Variants in UTRN observed in about 807,000 individuals in gnomAD.
UTRN encodes utrophin.
A neutral mutation model predicts 463.9 loss-of-function variants in UTRN; 283 were observed. The observed-to-expected ratio is 0.61, with a 90% CI of 0.55 to 0.67. UTRN has a LOEUF of 0.67. UTRN is among the 30% of genes least tolerant of loss of function. The pLI, the probability that UTRN is intolerant of heterozygous loss-of-function variation, is 0.00. For missense variants in UTRN, 3,922 were observed against 4,084.3 expected, an observed-to-expected ratio of 0.96 and a Z score of 1.08; for synonymous variants, 1,442 against 1,431.5, an observed-to-expected ratio of 1.01 and a Z score of -0.17.
In UTRN at chr6:144,846,784, T is replaced by G. The variant is rs2128765753; in HGVS notation, c.10271-21T>G. On this transcript the variant is annotated intron_variant, in intron 73 of 74. Transcript: ENST00000367545. ...AGTAACAGGACTGCCATTAAGTGAT[T>G]TCTTTTGTTTTCTCTTTCAGCAAAT... 4 of 1,614,028 alleles carry G rather than the reference T, an allele frequency of 2.5e-6. No individual in the cohort carries two copies. In the East Asian group the frequency reaches 6.7e-5, roughly 27 times the overall value.
intron 51 of UTRN, among the ~76,000 whole-genome samples, chr6:144,625,664 A>T (rs757963198): frequency 2.0e-5 from 3 of 152,218 alleles, no homozygotes; most frequent in Admixed American, 6.5e-5. Context: ...GCTAATGCAA[A>T]TACTTATGAA....
chr6:144,331,458 T>C (rs1776328188), intron 2 of UTRN, among the ~76,000 whole-genome samples: 1 of 152,186 alleles, frequency 6.6e-6, no homozygotes, highest in Non-Finnish European at 1.5e-5. Context: ...AAAGTGTCTG[T>C]TGTATGAAAG....
intron 58 of UTRN, among the ~76,000 whole-genome samples, chr6:144,764,807 A>G (rs990964966): frequency 6.6e-6 from 1 of 152,238 alleles, no homozygotes; most frequent in African/African-American, 2.4e-5. Flanking sequence ...ACATAAAAGA[A>G]AGAGATAAAG....
chr6:144,370,267 C>T (rs1779865257), intron 2 of UTRN, among the ~76,000 whole-genome samples: 1 of 152,156 alleles, frequency 6.6e-6, no homozygotes, highest in South Asian at 2.1e-4. Flanking sequence ...GTGGGCCAGG[C>T]CCAGGGCCCT....
At chr6:144,687,360 G>T (rs1182433693) in intron 52 of UTRN, among the ~76,000 whole-genome samples, 1 of 151,930 alleles carries the variant, frequency 6.6e-6, no homozygotes, top group Non-Finnish European at 1.5e-5. Context: ...TAAAGAGGGT[G>T]AAAATATATT....
intron 50 of UTRN, 24 bp from the exon 51 acceptor site, chr6:144,577,075 G>C (rs376869142): frequency 6.2e-7 from 1 of 1,605,540 alleles, no homozygotes; most frequent in South Asian, 1.1e-5. Flanking sequence ...TAATGGAGCC[G>C]TGCTGTCATA....
intron 54 of UTRN, among the ~76,000 whole-genome samples, chr6:144,743,709 C>T (rs1392912053): frequency 6.6e-6 from 1 of 152,098 alleles, no homozygotes; most frequent in African/African-American, 2.4e-5. Flanking sequence ...AGTCTTCTTC[C>T]TCATGGTATA....
intron 51 of UTRN, among the ~76,000 whole-genome samples, chr6:144,651,538 C>G (rs1224524344): frequency 6.6e-6 from 1 of 152,036 alleles, no homozygotes; most frequent in Non-Finnish European, 1.5e-5. Context: ...TACTATAGGG[C>G]CAGGATGAAA....
Position 144,734,245 on chromosome 6 carries a change from G to A in UTRN, c.7939+3759G>A, listed in dbSNP as rs553226901. ...AAATTTTCAAAAAAGGAAACAAGCC[G>A]AAACTGTAGAGAATTCTTTGAAAGA... On this transcript the variant is annotated intron_variant, in intron 54 of 74. Coordinates refer to ENST00000367545, the MANE Select transcript of UTRN (RefSeq NM_007124.3). Among the ~76,000 whole-genome samples, 260 of 152,136 alleles carry A rather than the reference G, an allele frequency of 1.7e-3. 1 individual carries two copies. Among genetic ancestry groups the A allele is most frequent in the African/African-American group, 2.3e-3 (97 of 41,512 alleles).
intron 53 of UTRN, chr6:144,706,632 C>T (rs1469729120): frequency 6.6e-6 from 1 of 152,150 alleles, no homozygotes. Context: ...TCTGCAAATA[C>T]ATTTCAAGTA....
At chr6:144,348,190 C>T (rs547725128) in intron 2 of UTRN, among the ~76,000 whole-genome samples, 2 of 152,188 alleles carry the variant, frequency 1.3e-5, no homozygotes, top group East Asian at 1.9e-4. Context: ...GTTGGAACTC[C>T]AGGAGGTTGA....
At chr6:144,796,455 A>G (rs1046113901) in intron 63 of UTRN, among the ~76,000 whole-genome samples, 4 of 152,206 alleles carry the variant, frequency 2.6e-5, no homozygotes, top group Admixed American at 6.5e-5. Flanking sequence ...CTGCTAAAGA[A>G]CTGAATTAAA....
chr6:144,782,322 A>T (rs1353779166), intron 61 of UTRN, among the ~76,000 whole-genome samples, 199 bp downstream of exon 61: 1 of 152,216 alleles, frequency 6.6e-6, no homozygotes, highest in African/African-American at 2.4e-5. Flanking sequence ...AAAAGAATGT[A>T]CATCTTTCAT....
At chr6:144,788,755 G>T (rs1776508204) in intron 61 of UTRN, among the ~76,000 whole-genome samples, 1 of 152,050 alleles carries the variant, frequency 6.6e-6, no homozygotes, top group Non-Finnish European at 1.5e-5. Flanking sequence ...TAGAGATGTG[G>T]TTTCTCCATG....
At chr6:144,643,711 C>T (rs991552503) in intron 51 of UTRN, among the ~76,000 whole-genome samples, 2 of 151,698 alleles carry the variant, frequency 1.3e-5, no homozygotes, top group Non-Finnish European at 2.9e-5. Flanking sequence ...GCAGGAGAAT[C>T]GCTTGAACCC....
rs115162553 is a variant in UTRN at position 144,633,076 on chromosome 6, T to A, written c.7480-45330T>A. Among the ~76,000 whole-genome samples, 342 of 152,234 alleles carry A rather than the reference T, an allele frequency of 2.2e-3. 2 individuals are homozygous for A. The highest frequency in any genetic ancestry group is 8.1e-3 in the African/African-American group (338 of 41,534). Reference sequence around the variant, plus strand: ...AACAACCAATAATATTTGGCATAATTTAGTATTTTGCCAGTGCTTCATTGC... The same window carrying A: ...AACAACCAATAATATTTGGCATAATATAGTATTTTGCCAGTGCTTCATTGC... On this transcript the variant is annotated intron_variant, in intron 51 of 74. Coordinates refer to ENST00000367545, the MANE Select transcript of UTRN (RefSeq NM_007124.3).
intron 11 of UTRN, 55 bp downstream of exon 11, chr6:144,437,801 A>T: frequency 1.3e-6 from 2 of 1,535,946 alleles, no homozygotes; most frequent in Non-Finnish European, 1.8e-6. Flanking sequence ...TGCACAGTTG[A>T]GCTCTAGTAG....
chr6:144,829,949 A>G (rs773236149), intron 69 of UTRN, among the ~76,000 whole-genome samples: 2 of 152,156 alleles, frequency 1.3e-5, no homozygotes, highest in African/African-American at 2.4e-5. Context: ...TCCCAAATCA[A>G]AATAAAGGTG....
At chr6:144,390,878 C>T (rs1238005416) in intron 2 of UTRN, among the ~76,000 whole-genome samples, 1 of 152,164 alleles carries the variant, frequency 6.6e-6, no homozygotes, top group African/African-American at 2.4e-5. Flanking sequence ...ACCACAGCTT[C>T]CTTGAAAGCA....
Sources: gnomAD v4.1 joint callset for allele counts (sites outside exome capture counted in the v4.1 genomes callset) on GRCh38, gnomAD v4.1.1 for gene constraint, MANE v1.5 for transcripts, NCBI Gene and HGNC (gene_info 2026-07-23, HGNC 2026-07-21) for gene names.